PIP5K1B: variants seen among roughly 807,000 people sequenced by gnomAD.
The protein encoded by PIP5K1B is phosphatidylinositol-4-phosphate 5-kinase type 1 beta.
A neutral mutation model predicts 67.0 loss-of-function variants in PIP5K1B; 42 were observed. The ratio of observed to expected loss-of-function variants is 0.63; its 90% CI spans 0.49 to 0.81. The LOEUF (loss-of-function observed/expected upper bound fraction) is 0.81. PIP5K1B is among the 30% of genes least tolerant of loss of function. PIP5K1B has a pLI of 0.00. For missense variants in PIP5K1B, 459 were observed against 646.3 expected (o/e 0.71, Z 3.14); for synonymous variants, 214 against 231.4 (o/e 0.92, Z 0.68).
intron 14 of PIP5K1B, among the ~76,000 whole-genome samples, chr9:68,954,065 T>C (rs1828247957): frequency 6.6e-6 from 1 of 152,048 alleles, no homozygotes; most frequent in Admixed American, 6.6e-5. Context: ...CCACACATCC[T>C]GTTCTGTGTT....
intron 2 of PIP5K1B, among the ~76,000 whole-genome samples, chr9:68,745,013 C>T (rs1238681646): frequency 1.3e-5 from 2 of 152,222 alleles, no homozygotes; most frequent in East Asian, 1.9e-4. Context: ...CCTTTGTTCC[C>T]ACCAACTGGG....
chr9:68,838,089 G>A (rs78437441), intron 4 of PIP5K1B, among the ~76,000 whole-genome samples: 2,468 of 148,986 alleles, frequency 0.017, 51 homozygotes, highest in East Asian at 0.11. Context: ...TTTCTTTTGC[G>A]CATGGGATTT....
intron 4 of PIP5K1B, among the ~76,000 whole-genome samples, chr9:68,841,152 C>T (rs908273041): frequency 2.0e-5 from 3 of 152,210 alleles, no homozygotes; most frequent in African/African-American, 7.2e-5. Flanking sequence ...TCCCTGTAAT[C>T]AACTTACATA....
intron 2 of PIP5K1B, among the ~76,000 whole-genome samples, chr9:68,810,903 A>G (rs561906283): frequency 6.6e-6 from 1 of 152,304 alleles, no homozygotes; most frequent in African/African-American, 2.4e-5. Context: ...TGATTAGACA[A>G]TCTTCTCATT....
rs112761274 is a variant in PIP5K1B, at chr9:68,793,710, G to A, written c.-85-24751G>A. Among the ~76,000 whole-genome samples the A allele has an allele frequency of 5.9e-5, 9 of 152,234 alleles. 1 individual carries two copies. Among genetic ancestry groups the A allele is most frequent in the South Asian group, 2.1e-4 (1 of 4,818 alleles). Reference sequence around the variant, plus strand: ...GCATTAGCTGCTGAGTTTTGCATACGTTAAGCAATCTTTATTAGACATTCA... The same window carrying A: ...GCATTAGCTGCTGAGTTTTGCATACATTAAGCAATCTTTATTAGACATTCA... On this transcript the variant is annotated intron_variant, in intron 2 of 15. Transcript: ENST00000265382.
intron 1 of PIP5K1B, chr9:68,708,273 G>T (rs956862458): frequency 1.3e-5 from 2 of 152,016 alleles, no homozygotes; most frequent in African/African-American, 4.8e-5. Context: ...TTTGCATAAA[G>T]TAAGTGCTCA....
chr9:68,747,449 A>G (rs1829373594), intron 2 of PIP5K1B, among the ~76,000 whole-genome samples: 1 of 151,956 alleles, frequency 6.6e-6, no homozygotes, highest in East Asian at 1.9e-4. Flanking sequence ...TTTGATGAGT[A>G]TCATTATTTA....
chr9:68,776,793 G>C (rs1300789936), intron 2 of PIP5K1B, among the ~76,000 whole-genome samples: 1 of 152,148 alleles, frequency 6.6e-6, no homozygotes, highest in Non-Finnish European at 1.5e-5. Context: ...AACCGGAAGG[G>C]GGAAATGAGC....
chr9:68,889,005 A>G lies in PIP5K1B; in HGVS notation c.343A>G (p.Ile115Val). The change falls in exon 7 of 16, where the codon ATA becomes GTA. Residue 115 changes from isoleucine (I) to valine (V), a missense_variant. This residue lies in a region of PIP5K1B where 290 missense variants were observed against 474.4 expected (regional missense o/e 0.61). Coordinates refer to ENST00000265382, the MANE Select transcript of PIP5K1B (RefSeq NM_003558.4). ...GTATTCCATCTGCAGTGAACCTCTA[A>G]TAGAACTGTCTAACCCTGGAGCCAG... Reference protein sequence around the residue: ...YLYSICSEPLIELSNPGASGS... With the variant: ...YLYSICSEPLVELSNPGASGS... 6.2e-7 allele frequency: 1 copy of G among 1,611,552 alleles called. No homozygotes were observed. The highest frequency in any genetic ancestry group is 8.5e-7 in the Non-Finnish European group (1 of 1,177,748).
rs779031015 is a variant in PIP5K1B at position 68,968,715 on chromosome 9, A to ATATATATT, written c.1503-22424_1503-22423insATATATTT. Reference sequence around the variant, plus strand: ...TCCTTGTTTATATATATATATATATATTTTTTTTTTGCATGTGTTGACTAT... The same window carrying ATATATATT: ...TCCTTGTTTATATATATATATATATATATATATTTTTTTTTTTTGCATGTGTTGACTAT... On this transcript the variant is annotated intron_variant, in intron 14 of 15. Transcript: ENST00000265382. Among the ~76,000 whole-genome samples, 355 of 142,204 alleles carry ATATATATT rather than the reference A, an allele frequency of 2.5e-3. 1 individual carries two copies. Among genetic ancestry groups the ATATATATT allele is most frequent in the African/African-American group, 8.4e-3 (325 of 38,490 alleles). The allele number at this position is 142,204 out of a possible 152,430, so 93.3% of individuals were successfully genotyped here. A position where few individuals can be genotyped will look rare whatever the true frequency, so the allele number is the denominator to read the frequency against.
chr9:68,815,752 C>T (rs1833410120), intron 2 of PIP5K1B, among the ~76,000 whole-genome samples: 1 of 152,092 alleles, frequency 6.6e-6, no homozygotes, highest in East Asian at 1.9e-4. Flanking sequence ...TGTTCAATAT[C>T]ACTTATGAAA....
intron 2 of PIP5K1B, among the ~76,000 whole-genome samples, chr9:68,747,334 T>A (rs1829367115): frequency 6.6e-6 from 1 of 151,164 alleles, no homozygotes; most frequent in African/African-American, 2.4e-5. Context: ...TTACTGTCTG[T>A]TGATTGTAAA....
chr9:68,757,475 T>TA (rs1011093705), intron 2 of PIP5K1B, among the ~76,000 whole-genome samples: 3 of 151,692 alleles, frequency 2.0e-5, no homozygotes, highest in African/African-American at 7.3e-5. Context: ...TTCATTATGT[T>TA]AAAAAAAAGA....
chr9:68,780,866 TC>T, intron 2 of PIP5K1B: 1 of 1,614,234 alleles, frequency 6.2e-7, no homozygotes, highest in Non-Finnish European at 8.5e-7. Context: ...AGCTGTCAGA[TC>T]CTGGTGTGTG....
At chr9:68,955,128 GC>G (rs1276496419) in intron 14 of PIP5K1B, among the ~76,000 whole-genome samples, 1 of 152,188 alleles carries the variant, frequency 6.6e-6, no homozygotes, top group Non-Finnish European at 1.5e-5. Context: ...AAGGAAGAGT[GC>G]TACAGGGTGA....
At chr9:68,979,401 C>A (rs1291314218) in intron 14 of PIP5K1B, among the ~76,000 whole-genome samples, 1 of 152,212 alleles carries the variant, frequency 6.6e-6, no homozygotes. Flanking sequence ...AGCTTTACAC[C>A]TGTGCTTGTG....
intron 2 of PIP5K1B, among the ~76,000 whole-genome samples, chr9:68,794,843 A>T (rs1270624496): frequency 6.6e-6 from 1 of 152,162 alleles, no homozygotes; most frequent in East Asian, 1.9e-4. Context: ...CCTCACTTTG[A>T]ATTGCTAAGA....
intron 14 of PIP5K1B, among the ~76,000 whole-genome samples, chr9:68,967,133 T>G (rs1282821667): frequency 2.0e-5 from 3 of 152,186 alleles, no homozygotes; most frequent in African/African-American, 7.2e-5. Context: ...ATATGTGCCA[T>G]TTTTGGATAC....
intron 5 of PIP5K1B, among the ~76,000 whole-genome samples, chr9:68,865,335 C>A (rs1462035076): frequency 6.6e-6 from 1 of 151,388 alleles, no homozygotes; most frequent in Non-Finnish European, 1.5e-5. Flanking sequence ...ACATGTTTTT[C>A]TCTTAAAAGC....
Sources: gnomAD v4.1 joint callset for allele counts (sites outside exome capture counted in the v4.1 genomes callset) on GRCh38, gnomAD v4.1.1 for gene constraint, gnomAD v4.1.1 regional missense constraint, MANE v1.5 for transcripts, NCBI Gene and HGNC (gene_info 2026-07-23, HGNC 2026-07-21) for gene names.